The following MTOR variants were observed in gnomAD, a reference collection of about 807,000 sequenced individuals.
MTOR encodes the protein serine/threonine-protein kinase mTOR.
MTOR carries 70 observed loss-of-function variants against 319.8 expected under a neutral mutation model. The ratio of observed to expected loss-of-function variants is 0.22; its 90% CI spans 0.18 to 0.27. MTOR has a LOEUF of 0.27. Among genes scored for constraint, MTOR ranks in the 10% least tolerant of loss-of-function variants. The probability of loss-of-function intolerance (pLI) is 1.00; values close to 1 mark genes in which losing one functional copy is unlikely to be tolerated. For missense variants in MTOR, 1,890 were observed against 3,274.4 expected (o/e 0.58, Z 10.32); for synonymous variants, 1,183 against 1,211.4 (o/e 0.98, Z 0.49).
At chr1:11,174,829 A>C (rs1199554514) in intron 28 of MTOR, among the ~76,000 whole-genome samples, 1 of 152,194 alleles carries the variant, frequency 6.6e-6, no homozygotes, top group Non-Finnish European at 1.5e-5. Flanking sequence ...TTAATGCTGC[A>C]GGCTTATAAA....
chr1:11,261,293 G>A (rs1438674247), intron 1 of MTOR, among the ~76,000 whole-genome samples: 1 of 149,156 alleles, frequency 6.7e-6, no homozygotes, highest in Non-Finnish European at 1.5e-5. Flanking sequence ...GTGAAATCCC[G>A]CCTCTACTAA....
rs1645334965 is a variant in MTOR at position 11,186,801 on chromosome 1, T to TA, written c.4253+12456dup. Among the ~76,000 whole-genome samples the TA allele has an allele frequency of 2.0e-5, 3 of 152,332 alleles. No homozygotes were observed. In the South Asian group the frequency reaches 6.2e-4, roughly 32 times the overall value. On this transcript the variant is annotated intron_variant, in intron 28 of 57. Transcript: ENST00000361445. The stretch of plus-strand genomic sequence containing the variant: ...GGTTGTGGATGTTTTAGAAAATAGA[T>TA]AATCTTCTGGCATGAGAAATATCCT...
intron 54 of MTOR, chr1:11,111,002 G>T (rs1570898831): frequency 5.0e-6 from 2 of 401,060 alleles, no homozygotes; most frequent in Admixed American, 2.8e-5. Context: ...AGCACACTTC[G>T]TTTGAGACCA....
chr1:11,146,566 G>A lies in MTOR; in HGVS notation c.4686+110C>T, dbSNP rs3730384. ...ACCATTCAAATGTACTCACAGAGCC[G>A]AGTAAACATCAGACCTGAAGTACAA... is the stretch of plus-strand genomic sequence containing the variant. On this transcript the variant is annotated intron_variant, in intron 32 of 57. Transcript: ENST00000361445. 6,721 of 788,262 alleles carry A rather than the reference G, an allele frequency of 8.5e-3. 266 individuals carry two copies. In the African/African-American group the frequency reaches 0.097, roughly 11 times the overall value. 48.8% of individuals were successfully genotyped at this position (788,262 alleles called of 1,614,324 possible).
In MTOR at chr1:11,231,429, A is replaced by G. The variant is rs756857316; in HGVS notation, c.2520T>C (p.Ala840=). 1.2e-6 allele frequency: 2 copies of G among 1,614,072 alleles called. No homozygotes were observed. The highest frequency in any genetic ancestry group is 1.7e-6 in the Non-Finnish European group (2 of 1,179,960). ...CCACCAACTGTCCCAGGGTCCACAG[A>G]GCCACCTGGATAGGCACAAGAACAC... ...DSSLLAKRQV[A]LWTLGQLVAS... is the part of the protein sequence containing the mutation. The change falls in exon 17 of 58, where the codon GCT becomes GCC. Residue 840 remains alanine (A), a synonymous_variant. Transcript: ENST00000361445.
chr1:11,214,004 T>C (rs1569585352), intron 20 of MTOR, among the ~76,000 whole-genome samples: 1 of 152,222 alleles, frequency 6.6e-6, no homozygotes, highest in South Asian at 2.1e-4. Flanking sequence ...CTCTAGACTG[T>C]AGGCTACTTA....
Position 11,247,936 on chromosome 1 carries a change from C to A in MTOR, c.999G>T (p.Leu333=). 1 of 1,614,160 alleles carries A rather than the reference C, an allele frequency of 6.2e-7. No homozygotes were observed. The highest frequency in any genetic ancestry group is 8.5e-7 in the Non-Finnish European group (1 of 1,180,036). The part of the protein sequence containing the change: ...QPQQSNALVG[L]LGYSSHQGLM... ...GGCCTTGGTGAGAGCTGTACCCCAG[C>A]AGCCCCACCAAGGCATTTGACTGCT... is the stretch of plus-strand genomic sequence containing the variant. Residue 333 remains leucine (L), a synonymous_variant, in exon 7 of 58, where the codon CTG becomes CTT. Transcript: ENST00000361445.
In MTOR at chr1:11,257,772, G is replaced by C. The variant is rs905741053; in HGVS notation, c.272-607C>G. On this transcript the variant is annotated intron_variant, in intron 3 of 57. Coordinates refer to ENST00000361445, the MANE Select transcript of MTOR (RefSeq NM_004958.4). ...CCAAAAAGGGAAAACAACTGGGACT[G>C]GATAATAATTCACAGGACTGATGAC... Among the ~76,000 whole-genome samples the C allele has an allele frequency of 2.6e-5, 4 of 152,106 alleles. No individual in the cohort carries two copies. The East Asian group carries it at 7.7e-4, about 29-fold the overall frequency.
At chr1:11,146,871 C>T in intron 31 of MTOR, 80 bp from the exon 32 acceptor site, 1 of 968,224 alleles carries the variant, frequency 1.0e-6, no homozygotes, top group South Asian at 1.3e-5. Flanking sequence ...TAGGTCTTGC[C>T]ACTGTTATTT....
intron 49 of MTOR, among the ~76,000 whole-genome samples, chr1:11,117,504 G>T (rs1299556947): frequency 6.6e-6 from 1 of 152,144 alleles, no homozygotes; most frequent in Non-Finnish European, 1.5e-5. Flanking sequence ...TGGTTAGAAT[G>T]TATAACATTA....
At chr1:11,171,295 T>C (rs1644806975) in intron 28 of MTOR, among the ~76,000 whole-genome samples, 1 of 151,982 alleles carries the variant, frequency 6.6e-6, no homozygotes, top group South Asian at 2.1e-4. Flanking sequence ...TTCTTTCTTT[T>C]TTAAAGAGAC....
chr1:11,231,256 G>A (rs373915721), intron 17 of MTOR, 44 bp downstream of exon 17: 28 of 1,611,460 alleles, frequency 1.7e-5, no homozygotes, highest in Middle Eastern at 1.7e-4. Flanking sequence ...TCTTGCCATC[G>A]TCCCAGCAAA....
At position 11,115,733 on chromosome 1, in the gene MTOR, C is replaced by CTT; in HGVS notation, c.7017-266_7017-265insAA. The CTT allele has an allele frequency of 2.3e-6, 1 of 425,806 alleles. No homozygotes were observed. Among genetic ancestry groups the CTT allele is most frequent in the South Asian group, 3.3e-5 (1 of 30,692 alleles). The allele number at this position is 425,806 out of a possible 1,614,324, so 26.4% of individuals were successfully genotyped here. A position where few individuals can be genotyped will look rare whatever the true frequency, so the allele number is the denominator to read the frequency against. The stretch of plus-strand genomic sequence containing the variant: ...ACCAAAGGGCCCACAAAGCCTAAAA[C>CTT]GACCTATTAACTGGTCCTTTACAGA... On this transcript the variant is annotated intron_variant, in intron 50 of 57. Coordinates refer to ENST00000361445, the MANE Select transcript of MTOR (RefSeq NM_004958.4). This position sits in a 1 kb window ranked among gnomAD's most constrained non-coding sequence, Gnocchi z 4.5.
At chr1:11,216,293 T>C in intron 19 of MTOR, 59 bp from the exon 20 acceptor site, 2 of 1,294,258 alleles carry the variant, frequency 1.5e-6, no homozygotes, top group Non-Finnish European at 2.2e-6. Context: ...CCCCCAGGCT[T>C]ACCTTAAGCT....
In MTOR at chr1:11,109,033, G is replaced by C. The variant is rs563079724; in HGVS notation, c.7528+257C>G. Among the ~76,000 whole-genome samples, 63 of 152,238 alleles carry C rather than the reference G, an allele frequency of 4.1e-4. No individual in the cohort carries two copies. Among genetic ancestry groups the C allele is most frequent in the African/African-American group, 1.5e-3 (62 of 41,550 alleles). On this transcript the variant is annotated intron_variant, in intron 56 of 57. Coordinates refer to ENST00000361445, the MANE Select transcript of MTOR (RefSeq NM_004958.4). This position sits in a 1 kb window ranked among gnomAD's most constrained non-coding sequence, Gnocchi z 4.0. ...GATTAAAAAACACTTCTCTGAATTT[G>C]GCTGATTTTGGACCCAAAAGAAATT...
At chr1:11,168,007 T>C (rs1644700653) in intron 28 of MTOR, among the ~76,000 whole-genome samples, 1 of 151,828 alleles carries the variant, frequency 6.6e-6, no homozygotes, top group African/African-American at 2.4e-5. Flanking sequence ...GAGGCAGAGC[T>C]TGCAGTGAGC....
chr1:11,134,503 T>C, intron 36 of MTOR, 37 bp from the exon 37 acceptor site: 1 of 1,593,494 alleles, frequency 6.3e-7, no homozygotes, highest in Non-Finnish European at 8.6e-7. Context: ...CCACTTGGCT[T>C]GTGGCCCAGC....
intron 15 of MTOR, chr1:11,232,965 T>A: frequency 2.5e-6 from 2 of 804,878 alleles, no homozygotes; most frequent in South Asian, 2.7e-5. Flanking sequence ...TTCTTGCCAT[T>A]CTTCTCACAA....
Position 11,124,619 on chromosome 1 carries a change from C to T in MTOR, c.6541G>A (p.Glu2181Lys), listed in dbSNP as rs1460874418. 3 of 1,610,398 alleles carry T rather than the reference C, an allele frequency of 1.9e-6. No individual in the cohort carries two copies. The highest frequency in any genetic ancestry group is 1.1e-5 in the South Asian group (1 of 90,998). The change falls in exon 47 of 58, where the codon GAG becomes AAG. Residue 2181 changes from glutamate (E) to lysine (K), a missense_variant. Transcript: ENST00000361445. ...TGGCCTTTTAGAAGGAAAACAAACT[C>T]ATGTCCGTTGCTGCCTGTAAGGAAC... ...KLTLMGSNGH[E>K]FVFLLKGHED...
Sources: gnomAD v4.1 joint callset for allele counts (sites outside exome capture counted in the v4.1 genomes callset) on GRCh38, gnomAD v4.1.1 for gene constraint, Gnocchi (gnomAD v3.1) non-coding constraint, MANE v1.5 for transcripts, NCBI Gene and HGNC (gene_info 2026-07-23, HGNC 2026-07-21) for gene names.